Variants in COX7A2L observed in about 807,000 individuals in gnomAD.
The protein encoded by COX7A2L is cytochrome c oxidase subunit 7A2 like, also known as cytochrome c oxidase subunit 7A2-like, mitochondrial.
A neutral mutation model predicts 14.2 loss-of-function variants in COX7A2L; 18 were observed. That is an observed-to-expected ratio of 1.27 (90% CI 0.88 to 1.88). COX7A2L has a LOEUF of 1.88. Ranked by LOEUF, COX7A2L falls within the 40% of genes most tolerant of loss-of-function variation. The pLI, the probability that COX7A2L is intolerant of heterozygous loss-of-function variation, is 0.00. For missense variants in COX7A2L, 179 were observed against 138.8 expected (o/e 1.29, Z -1.46); for synonymous variants, 65 against 57.4 (o/e 1.13, Z -0.60).
At chr2:42,353,165 G>T in intron 2 of COX7A2L, 47 bp downstream of exon 2, 1 of 1,592,292 alleles carries the variant, frequency 6.3e-7, no homozygotes, top group African/African-American at 1.4e-5. Flanking sequence ...GATTTTTTAA[G>T]CCTATTTATT....
intron 1 of COX7A2L, chr2:42,360,165 C>T (rs1670975896): frequency 6.6e-6 from 1 of 152,328 alleles, no homozygotes. Context: ...ATCTCACCGA[C>T]ACTTCCCACA....
At chr2:42,365,804 C>G (rs899200313), upstream of COX7A2L, 27 of 152,130 alleles carry the variant, frequency 1.8e-4, no homozygotes, top group African/African-American at 6.5e-4. Context: ...AAGTGTTAGG[C>G]CACAGGAAGG....
At chr2:42,346,613 T>C (rs565796799), downstream of COX7A2L, among the ~76,000 whole-genome samples, 3 of 152,034 alleles carry the variant, frequency 2.0e-5, no homozygotes, top group South Asian at 6.3e-4. Context: ...AGACCTCGTC[T>C]CTCCCAAAAG....
chr2:42,344,294 C>T (rs1319930744), intron 2 of COX7A2L, among the ~76,000 whole-genome samples: 1 of 152,190 alleles, frequency 6.6e-6, no homozygotes, highest in African/African-American at 2.4e-5. Context: ...ATACAACAGT[C>T]AGAAACCTCT....
chr2:42,365,264 T>A (rs1174672369), upstream of COX7A2L, among the ~76,000 whole-genome samples: 3 of 152,194 alleles, frequency 2.0e-5, no homozygotes, highest in African/African-American at 7.2e-5. Flanking sequence ...CTACCTCACA[T>A]ACATCTGCAG....
chr2:42,367,634 G>C (rs566915915), intron 1 of COX7A2L, among the ~76,000 whole-genome samples: 1 of 152,358 alleles, frequency 6.6e-6, no homozygotes, highest in South Asian at 2.1e-4. Context: ...AGGGGCACTG[G>C]CCCTGGCCCT....
chr2:42,361,183 C>G lies in COX7A2L; in HGVS notation c.-22G>C, dbSNP rs761170814. ...ACATGACGCCCAGAGTCCGGCTTCC[C>G]GCATCCGCTGCCAACGCGACCGCCC... On this transcript the variant is annotated 5_prime_UTR_variant, in exon 1 of 3. Coordinates refer to ENST00000234301, the MANE Select transcript of COX7A2L (RefSeq NM_004718.4). 2 of 1,590,886 alleles carry G rather than the reference C, an allele frequency of 1.3e-6. No individual in the cohort carries two copies. Among genetic ancestry groups the G allele is most frequent in the Non-Finnish European group, 1.7e-6 (2 of 1,166,428 alleles).
In COX7A2L at chr2:42,338,251, G is replaced by C. The variant is rs939972669; in HGVS notation, c.193-4382C>G. 6.6e-6 allele frequency among the ~76,000 whole-genome samples: 1 copy of C among 152,186 alleles called. No individual in the cohort carries two copies. The highest frequency in any genetic ancestry group is 6.5e-5 in the Admixed American group (1 of 15,282). On this transcript the variant is annotated intron_variant, in intron 2 of 2. Transcript: ENST00000468711. The surrounding 1 kb of genome is among the most constrained non-coding windows in gnomAD (Gnocchi z 4.4). ...TCGTCTTGCTTCCGGTTGATGTGTC[G>C]TTGGTACTCCTCCTCGGATGCCCTC...
rs1397067009 is a variant in COX7A2L at position 42,337,506 on chromosome 2, C to G, written c.193-3637G>C. Among the ~76,000 whole-genome samples, 4 of 152,092 alleles carry G rather than the reference C, an allele frequency of 2.6e-5. No homozygotes were observed. In the East Asian group the frequency reaches 7.7e-4, roughly 29 times the overall value. On this transcript the variant is annotated intron_variant, in intron 2 of 2. Transcript: ENST00000468711. The stretch of plus-strand genomic sequence containing the variant: ...AAAGGGGTGGCACAAGGGGATTCCT[C>G]TGCAGTGACGATGAGTAGGATGGCG...
chr2:42,348,921 G>C (rs1164671348), downstream of COX7A2L, among the ~76,000 whole-genome samples: 1 of 146,130 alleles, frequency 6.8e-6, no homozygotes, highest in African/African-American at 2.5e-5. Context: ...CATCTCAAAA[G>C]AAAAAAAAAA....
upstream of COX7A2L, among the ~76,000 whole-genome samples, chr2:42,362,863 CTTT>C (rs529125372): frequency 3.4e-3 from 459 of 134,246 alleles, 2 homozygotes; most frequent in African/African-American, 9.1e-3. Context: ...TAGTGATTTC[CTTT>C]TTTTTTTTTT....
Position 42,349,542 on chromosome 2 carries a change from T to C in COX7A2L, c.*1677A>G, listed in dbSNP as rs1033209984. On this transcript the variant is annotated 3_prime_UTR_variant, in exon 3 of 3. Coordinates refer to ENST00000234301, the MANE Select transcript of COX7A2L (RefSeq NM_004718.4). ...TTCTAAAATTGATTCTCATGGTGGC[T>C]GTACAACTCCAAATACAGTAAAAAC... 7.9e-5 allele frequency: 12 copies of C among 152,214 alleles called. No homozygotes were observed. The highest frequency in any genetic ancestry group is 3.3e-4 in the Admixed American group (5 of 15,284). The allele number at this position is 152,214 out of a possible 1,614,324, so 9.4% of individuals were successfully genotyped here. A position where few individuals can be genotyped will look rare whatever the true frequency, so the allele number is the denominator to read the frequency against.
intron 1 of COX7A2L, among the ~76,000 whole-genome samples, chr2:42,356,737 G>A (rs558332256): frequency 7.9e-5 from 12 of 152,200 alleles, no homozygotes; most frequent in Admixed American, 7.9e-4. Context: ...ATCATCCTGG[G>A]CAACGTAGTG....
At chr2:42,340,910 A>G (rs1177123608) in intron 2 of COX7A2L, among the ~76,000 whole-genome samples, 1 of 152,212 alleles carries the variant, frequency 6.6e-6, no homozygotes, top group African/African-American at 2.4e-5. Flanking sequence ...TACTGATGGC[A>G]AAGGTGGGGC....
At chr2:42,354,500 C>T (rs1670757412) in intron 1 of COX7A2L, among the ~76,000 whole-genome samples, 1 of 152,110 alleles carries the variant, frequency 6.6e-6, no homozygotes, top group East Asian at 1.9e-4. Flanking sequence ...AAGAAGGAAA[C>T]CTCTTGCCCA....
chr2:42,354,032 A>G (rs1048629273), intron 1 of COX7A2L, among the ~76,000 whole-genome samples: 14 of 152,194 alleles, frequency 9.2e-5, no homozygotes, highest in African/African-American at 3.4e-4. Context: ...GCAAAGTCAG[A>G]AGAGGGAACC....
chr2:42,354,185 T>G (rs1342534640), intron 1 of COX7A2L, among the ~76,000 whole-genome samples: 1 of 152,196 alleles, frequency 6.6e-6, no homozygotes, highest in East Asian at 1.9e-4. Flanking sequence ...TGCATATATC[T>G]GTGAATACAC....
chr2:42,364,662 T>C (rs909044189), upstream of COX7A2L, among the ~76,000 whole-genome samples: 1 of 152,216 alleles, frequency 6.6e-6, no homozygotes, highest in Non-Finnish European at 1.5e-5. Flanking sequence ...AAGCCCTATC[T>C]GGTGTGGAAA....
At chr2:42,351,528 A>G (rs1670644425) in intron 2 of COX7A2L, among the ~76,000 whole-genome samples, 169 bp from the exon 3 acceptor site, 2 of 152,258 alleles carry the variant, frequency 1.3e-5, no homozygotes, top group South Asian at 4.1e-4. Flanking sequence ...ATGTAGCTAA[A>G]GCTTGTAAAT....
Sources: gnomAD v4.1 joint callset for allele counts (sites outside exome capture counted in the v4.1 genomes callset) on GRCh38, gnomAD v4.1.1 for gene constraint, Gnocchi (gnomAD v3.1) non-coding constraint, MANE v1.5 for transcripts, NCBI Gene and HGNC (gene_info 2026-07-23, HGNC 2026-07-21) for gene names.